Variants in HCN1 observed in about 807,000 individuals in gnomAD.
HCN1 encodes the protein hyperpolarization activated cyclic nucleotide gated potassium channel 1.
In HCN1, 13 loss-of-function variants were observed where a neutral mutation model predicts 78.9. That is an observed-to-expected ratio of 0.16 (90% CI 0.11 to 0.26). The LOEUF is 0.26. HCN1 is among the 10% of genes least tolerant of loss of function. HCN1 has a pLI of 1.00. For synonymous variants in HCN1, 552 were observed against 455.5 expected (o/e 1.21, Z -2.70); for missense variants, 810 against 1,154.3 (o/e 0.70, Z 4.32).
At chr5:45,661,027 A>C (rs1366510615) in intron 1 of HCN1, among the ~76,000 whole-genome samples, 1 of 112,274 alleles carries the variant, frequency 8.9e-6, no homozygotes, top group Admixed American at 1.0e-4. Flanking sequence ...CACCACACCT[A>C]TTCCAAAATT....
At chr5:45,567,558 T>TACACACACAC (rs36230541) in intron 2 of HCN1, among the ~76,000 whole-genome samples, 1 of 132,926 alleles carries the variant, frequency 7.5e-6, no homozygotes, top group Admixed American at 7.7e-5. Context: ...CATTTTAGGC[T>TACACACACAC]ACACACACAC....
chr5:45,365,655 G>A (rs1035573064), intron 4 of HCN1, among the ~76,000 whole-genome samples: 27 of 151,942 alleles, frequency 1.8e-4, no homozygotes, highest in African/African-American at 6.3e-4. Context: ...AAATATATGA[G>A]TGCAGGTGTC....
chr5:45,448,955 A>T (rs888559409), intron 3 of HCN1, among the ~76,000 whole-genome samples: 3 of 152,134 alleles, frequency 2.0e-5, no homozygotes, highest in Non-Finnish European at 4.4e-5. Context: ...TTTTACTAAA[A>T]ATACAAAAGT....
At chr5:45,529,645 T>C (rs972304053) in intron 2 of HCN1, among the ~76,000 whole-genome samples, 3 of 151,910 alleles carry the variant, frequency 2.0e-5, no homozygotes, top group African/African-American at 4.8e-5. Flanking sequence ...CAAATTAAAA[T>C]AGACAAAATG....
chr5:45,418,180 C>T (rs1280244958), intron 3 of HCN1, among the ~76,000 whole-genome samples: 4 of 151,692 alleles, frequency 2.6e-5, no homozygotes, highest in Non-Finnish European at 4.4e-5. Flanking sequence ...ATCTTTTAAT[C>T]TTGTCTTGGC....
At chr5:45,308,737 G>T (rs1745787841) in intron 5 of HCN1, among the ~76,000 whole-genome samples, 2 of 151,992 alleles carry the variant, frequency 1.3e-5, no homozygotes, top group African/African-American at 2.4e-5. Context: ...GTCTGTTCTT[G>T]TACCAGTACC....
intron 6 of HCN1, among the ~76,000 whole-genome samples, chr5:45,291,031 C>T (rs1387502188): frequency 6.6e-6 from 1 of 151,948 alleles, no homozygotes; most frequent in African/African-American, 2.4e-5. Flanking sequence ...AACACAATGG[C>T]CTAAGTATTA....
intron 3 of HCN1, among the ~76,000 whole-genome samples, chr5:45,455,760 CAAA>C (rs571706502): frequency 0.075 from 4,503 of 59,782 alleles, 194 homozygotes; most frequent in African/African-American, 0.19. Context: ...TTCTGGAACT[CAAA>C]AAAAAAAAAA....
chr5:45,337,256 T>C (rs1198145827), intron 5 of HCN1, among the ~76,000 whole-genome samples: 1 of 152,076 alleles, frequency 6.6e-6, no homozygotes, highest in Non-Finnish European at 1.5e-5. Flanking sequence ...AAAAAGAAAC[T>C]ATTTTTTCAC....
At chr5:45,579,590 C>T (rs2049656) in intron 2 of HCN1, among the ~76,000 whole-genome samples, 70,461 of 151,814 alleles carry the variant, frequency 0.46, 18,703 homozygotes, top group Non-Finnish European at 0.58. Context: ...AAGAGCCAAA[C>T]AAAAAAGTGA....
intron 6 of HCN1, among the ~76,000 whole-genome samples, chr5:45,295,740 G>C (rs934763243): frequency 2.6e-5 from 4 of 151,980 alleles, no homozygotes; most frequent in Non-Finnish European, 4.4e-5. Flanking sequence ...TTAGAAGAGT[G>C]AAAAGAGCAT....
intron 5 of HCN1, among the ~76,000 whole-genome samples, chr5:45,305,833 AGGAG>A (rs1218501662): frequency 6.9e-6 from 1 of 145,574 alleles, no homozygotes; most frequent in South Asian, 2.3e-4. Context: ...AAAGAAGGAA[AGGAG>A]GGAGGGAGGA....
intron 3 of HCN1, among the ~76,000 whole-genome samples, chr5:45,443,405 A>T (rs1447474168): frequency 6.6e-6 from 1 of 152,094 alleles, no homozygotes; most frequent in African/African-American, 2.4e-5. Flanking sequence ...AATGACATGG[A>T]AGGTGAGTCA....
intron 4 of HCN1, among the ~76,000 whole-genome samples, chr5:45,359,945 A>C (rs1747077131): frequency 2.0e-5 from 3 of 150,614 alleles, no homozygotes. Flanking sequence ...CTTTGAGTAT[A>C]TATATATATA....
intron 3 of HCN1, among the ~76,000 whole-genome samples, chr5:45,416,137 C>T (rs557955897): frequency 3.3e-5 from 5 of 151,902 alleles, no homozygotes; most frequent in African/African-American, 1.2e-4. Flanking sequence ...ATAAACAATT[C>T]AGCATATATT....
chr5:45,442,509 T>C (rs1250543873), intron 3 of HCN1, among the ~76,000 whole-genome samples: 2 of 151,382 alleles, frequency 1.3e-5, no homozygotes, highest in East Asian at 3.9e-4. Context: ...TATATAAGTA[T>C]ATATATTAAA....
At chr5:45,530,852 C>T (rs1372076440) in intron 2 of HCN1, among the ~76,000 whole-genome samples, 3 of 152,046 alleles carry the variant, frequency 2.0e-5, no homozygotes, top group Non-Finnish European at 2.9e-5. Context: ...CCATATCTTT[C>T]CCAAGGTCAC....
At chr5:45,381,241 G>A (rs907411664) in intron 4 of HCN1, among the ~76,000 whole-genome samples, 1 of 152,072 alleles carries the variant, frequency 6.6e-6, no homozygotes, top group Non-Finnish European at 1.5e-5. Flanking sequence ...ATTCTGAGAA[G>A]TTCTTTGAAC....
At chr5:45,566,651 C>T (rs1456006554) in intron 2 of HCN1, among the ~76,000 whole-genome samples, 1 of 151,878 alleles carries the variant, frequency 6.6e-6, no homozygotes, top group East Asian at 1.9e-4. Flanking sequence ...AGAAAAATAA[C>T]AATAAAATGA....
Sources: gnomAD v4.1 joint callset for allele counts (sites outside exome capture counted in the v4.1 genomes callset) on GRCh38, gnomAD v4.1.1 for gene constraint, MANE v1.5 for transcripts, NCBI Gene and HGNC (gene_info 2026-07-23, HGNC 2026-07-21) for gene names.